The following RASA1 variants were observed in gnomAD, a reference collection of about 807,000 sequenced individuals.
RASA1 encodes the protein ras GTPase-activating protein 1.
RASA1 carries 25 observed loss-of-function variants against 132.2 expected under a neutral mutation model. The ratio of observed to expected loss-of-function variants is 0.19; its 90% CI spans 0.14 to 0.26. RASA1 has a LOEUF of 0.26. RASA1 is among the 10% of genes least tolerant of loss of function. The pLI, the probability that RASA1 is intolerant of heterozygous loss-of-function variation, is 1.00. For missense variants in RASA1, 964 were observed against 1,299.2 expected, an observed-to-expected ratio of 0.74 and a Z score of 3.97; for synonymous variants, 477 against 449.9, an observed-to-expected ratio of 1.06 and a Z score of -0.76.
intron 1 of RASA1, among the ~76,000 whole-genome samples, chr5:87,278,957 A>G (rs1377602145): frequency 9.6e-6 from 1 of 103,672 alleles, no homozygotes; most frequent in Non-Finnish European, 1.8e-5. Flanking sequence ...AAAGAAGATT[A>G]TGCGGGCTGG....
At chr5:87,361,501 A>G (rs1449393590) in intron 9 of RASA1, among the ~76,000 whole-genome samples, 1 of 152,228 alleles carries the variant, frequency 6.6e-6, no homozygotes, top group Non-Finnish European at 1.5e-5. Flanking sequence ...AAGTCATAAA[A>G]TATGAATCCT....
intron 1 of RASA1, among the ~76,000 whole-genome samples, chr5:87,302,834 A>G (rs1362998262): frequency 2.6e-5 from 4 of 152,042 alleles, no homozygotes; most frequent in African/African-American, 9.7e-5. Flanking sequence ...TCAGCTTTAT[A>G]TAATAACATT....
intron 13 of RASA1, among the ~76,000 whole-genome samples, chr5:87,373,834 AATTTTCTTCT>A (rs1250255902): frequency 6.6e-6 from 1 of 152,038 alleles, no homozygotes; most frequent in African/African-American, 2.4e-5. Flanking sequence ...ATTAATAAAG[AATTTTCTTCT>A]TAACTTCATT....
chr5:87,346,969 G>A (rs1377995308), intron 7 of RASA1, among the ~76,000 whole-genome samples: 1 of 151,946 alleles, frequency 6.6e-6, no homozygotes, highest in East Asian at 1.9e-4. Flanking sequence ...GTAACACTAG[G>A]TGACAGTTTT....
chr5:87,357,943 A>G (rs1374593248), intron 9 of RASA1, among the ~76,000 whole-genome samples: 2 of 152,172 alleles, frequency 1.3e-5, no homozygotes, highest in African/African-American at 2.4e-5. Flanking sequence ...ATTAAGTGCT[A>G]TTTGTAGTCT....
chr5:87,339,570 G>A (rs1424603098), intron 5 of RASA1, among the ~76,000 whole-genome samples: 2 of 151,958 alleles, frequency 1.3e-5, no homozygotes. Flanking sequence ...TGGAATTCTG[G>A]ATCAAATTTA....
intron 1 of RASA1, among the ~76,000 whole-genome samples, chr5:87,271,449 C>CTTT (rs1274619047): frequency 5.9e-5 from 4 of 67,490 alleles, no homozygotes; most frequent in African/African-American, 1.3e-4. Context: ...TTTTAGTAGA[C>CTTT]TTCTTTTTTT....
At chr5:87,346,050 T>C (rs1271140574) in intron 6 of RASA1, among the ~76,000 whole-genome samples, 1 of 152,110 alleles carries the variant, frequency 6.6e-6, no homozygotes, top group Admixed American at 6.6e-5. Flanking sequence ...TGATGCCTTT[T>C]ATAATAATTT....
At chr5:87,390,713 G>T in intron 24 of RASA1, 87 bp from the exon 25 acceptor site, 1 of 1,075,526 alleles carries the variant, frequency 9.3e-7, no homozygotes, top group East Asian at 2.5e-5. Flanking sequence ...CTTTTGCTTT[G>T]ATACAGTTTT....
At chr5:87,384,403 C>T (rs986100257) in intron 21 of RASA1, among the ~76,000 whole-genome samples, 7 of 151,952 alleles carry the variant, frequency 4.6e-5, no homozygotes, top group Non-Finnish European at 7.4e-5. Flanking sequence ...AATAATGAAC[C>T]ATTATAAACA....
Position 87,268,469 on chromosome 5 carries a change from C to A in RASA1, c.18C>A (p.Ala6=), listed in dbSNP as rs992101983. 2 of 1,551,306 alleles carry A rather than the reference C, an allele frequency of 1.3e-6. No individual in the cohort carries two copies. The highest frequency in any genetic ancestry group is 1.4e-5 in the African/African-American group (1 of 73,390). ...GCTTCAACATGATGGCGGCCGAGGC[C>A]GGCAGTGAGGAGGGCGGCCCGGTAA... MMAAE[A]GSEEGGPVTA... Residue 6 remains alanine, a synonymous_variant, in exon 1 of 25, where the codon GCC becomes GCA. Coordinates refer to ENST00000274376, the MANE Select transcript of RASA1 (RefSeq NM_002890.3).
intron 6 of RASA1, among the ~76,000 whole-genome samples, chr5:87,342,486 G>C (rs1758544576): frequency 6.6e-6 from 1 of 152,084 alleles, no homozygotes; most frequent in Non-Finnish European, 1.5e-5. Context: ...ATTAATGCTT[G>C]GAAGAATCAG....
intron 14 of RASA1, 53 bp from the exon 15 acceptor site, chr5:87,374,787 G>T: frequency 6.3e-7 from 1 of 1,595,676 alleles, no homozygotes. Flanking sequence ...AAAGAAATAA[G>T]GTAGTTTGAT....
rs763626083 is a variant in RASA1, at chr5:87,268,587, G to C, written c.136G>C (p.Ala46Pro). 5.0e-6 allele frequency: 8 copies of C among 1,610,104 alleles called. 1 individual carries two copies. The South Asian group carries it at 7.7e-5, about 16-fold the overall frequency. The change falls in exon 1 of 25, where the codon GCC becomes CCC. Residue 46 changes from alanine to proline, a missense_variant. Ala to Pro is a conservative substitution (Grantham distance 27, BLOSUM62 -1). Coordinates refer to ENST00000274376, the MANE Select transcript of RASA1 (RefSeq NM_002890.3). The part of the protein sequence containing the change: ...VKIPAALPVA[A>P]APYPGLVETG... The stretch of plus-strand genomic sequence containing the variant: ...GATACCCGCGGCCCTGCCTGTGGCA[G>C]CCGCCCCCTATCCTGGGCTGGTGGA...
intron 1 of RASA1, among the ~76,000 whole-genome samples, chr5:87,326,097 G>A (rs189170412): frequency 2.6e-4 from 40 of 152,044 alleles, no homozygotes; most frequent in Non-Finnish European, 5.0e-4. Flanking sequence ...TCAGCCTCTC[G>A]AGTAGCTGGG....
At chr5:87,341,393 C>A (rs1016910874) in intron 6 of RASA1, 72 bp downstream of exon 6, 1 of 1,109,040 alleles carries the variant, frequency 9.0e-7, no homozygotes, top group South Asian at 3.1e-5. Context: ...AAAACTTTGG[C>A]CAAAAAAATT....
intron 1 of RASA1, among the ~76,000 whole-genome samples, chr5:87,325,384 A>G (rs1175048143): frequency 6.6e-6 from 1 of 152,256 alleles, no homozygotes; most frequent in Non-Finnish European, 1.5e-5. Flanking sequence ...TATATTTGTT[A>G]CAAATAAATA....
intron 1 of RASA1, among the ~76,000 whole-genome samples, chr5:87,278,390 C>CAA (rs55633664): frequency 2.8e-4 from 36 of 126,434 alleles, no homozygotes; most frequent in South Asian, 2.4e-4. Context: ...ACTAAAAATA[C>CAA]AAAAAAAAAA....
chr5:87,273,924 C>T (rs909780307), intron 1 of RASA1, among the ~76,000 whole-genome samples: 1 of 152,166 alleles, frequency 6.6e-6, no homozygotes, highest in Admixed American at 6.5e-5. Flanking sequence ...TCTCGAACTC[C>T]TAACCTCAGG....
Sources: gnomAD v4.1 joint callset for allele counts (sites outside exome capture counted in the v4.1 genomes callset) on GRCh38, gnomAD v4.1.1 for gene constraint, MANE v1.5 for transcripts, NCBI Gene and HGNC (gene_info 2026-07-23, HGNC 2026-07-21) for gene names.